Variants in STXBP3 observed in about 807,000 individuals in gnomAD.
STXBP3 encodes syntaxin-binding protein 3.
In STXBP3, 41 loss-of-function variants were observed where a neutral mutation model predicts 85.7. The ratio of observed to expected loss-of-function variants is 0.48; its 90% CI spans 0.37 to 0.62. The LOEUF (loss-of-function observed/expected upper bound fraction) is 0.62, where lower values mean the gene tolerates loss of function less well. STXBP3 is among the 20% of genes least tolerant of loss of function. The pLI, the probability that STXBP3 is intolerant of heterozygous loss-of-function variation, is 0.00. For missense variants in STXBP3, 563 were observed against 703.1 expected (o/e 0.80, Z 2.25); for synonymous variants, 229 against 231.7 (o/e 0.99, Z 0.10).
chr1:108,753,315 C>G (rs146608320), intron 3 of STXBP3, 171 bp downstream of exon 3: 5,218 of 368,028 alleles, frequency 0.014, 48 homozygotes, highest in Non-Finnish European at 0.019. Context: ...GTTTTTTTCC[C>G]TCAGCCGAGA....
chr1:108,790,464 A>G (rs1343666519), intron 11 of STXBP3, among the ~76,000 whole-genome samples: 1 of 152,062 alleles, frequency 6.6e-6, no homozygotes, highest in East Asian at 1.9e-4. Flanking sequence ...GTGTCTTGAT[A>G]TTTAAAATGT....
intron 6 of STXBP3, among the ~76,000 whole-genome samples, chr1:108,768,879 T>G (rs74406644): frequency 0.048 from 7,350 of 152,202 alleles, 221 homozygotes; most frequent in Admixed American, 0.071. Flanking sequence ...AGAAAGATCT[T>G]TCTTTCCCTT....
chr1:108,769,897 G>A (rs1345481538), intron 6 of STXBP3, among the ~76,000 whole-genome samples: 2 of 152,180 alleles, frequency 1.3e-5, no homozygotes, highest in African/African-American at 4.8e-5. Context: ...TACTGAGGCC[G>A]AAGGGCTAGT....
At chr1:108,800,154 C>G in intron 16 of STXBP3, 66 bp from the exon 17 acceptor site, 1 of 1,162,600 alleles carries the variant, frequency 8.6e-7, no homozygotes, top group South Asian at 1.2e-5. Context: ...AAGTTTTGAC[C>G]TTTATGCCAA....
At chr1:108,785,861 G>T (rs1284459269) in intron 11 of STXBP3, among the ~76,000 whole-genome samples, 2 of 152,168 alleles carry the variant, frequency 1.3e-5, no homozygotes, top group East Asian at 3.9e-4. Context: ...TTCCCAAGAA[G>T]TTTATCATCT....
intron 5 of STXBP3, among the ~76,000 whole-genome samples, chr1:108,758,867 G>C (rs1458819467): frequency 6.6e-6 from 1 of 152,216 alleles, no homozygotes; most frequent in Admixed American, 6.5e-5. Flanking sequence ...GGGATGCTGG[G>C]ATGTGAGGGA....
rs1663405731 is a variant in STXBP3 at position 108,809,304 on chromosome 1, AT to A, written c.*429del. The stretch of plus-strand genomic sequence containing the variant: ...ACTGTAAATGTATATGTATGATAGA[AT>A]TGTTTCCTCTAAGTGTAGTTTTTCT... On this transcript the variant is annotated 3_prime_UTR_variant, in exon 19 of 19. Coordinates refer to ENST00000370008, the MANE Select transcript of STXBP3 (RefSeq NM_007269.4). 1 of 153,708 alleles carries A rather than the reference AT, an allele frequency of 6.5e-6. No individual in the cohort carries two copies. The highest frequency in any genetic ancestry group is 1.5e-5 in the Non-Finnish European group (1 of 68,906). The allele number at this position is 153,708 out of a possible 1,614,324, so 9.5% of individuals were successfully genotyped here. A position where few individuals can be genotyped will look rare whatever the true frequency, so the allele number is the denominator to read the frequency against.
At chr1:108,758,294 A>G (rs1662062014) in intron 4 of STXBP3, among the ~76,000 whole-genome samples, 1 of 151,680 alleles carries the variant, frequency 6.6e-6, no homozygotes, top group African/African-American at 2.4e-5. Context: ...CAAAACCAAA[A>G]ATGGTTAATA....
chr1:108,776,386 A>C lies in STXBP3; in HGVS notation c.647A>C (p.Glu216Ala), dbSNP rs750297417. ...GCACAGCTTGTTGAAAAAAAGCTTG[A>C]AGACTACTACAAGATTGATGAAAAG... Reference protein sequence around the residue: ...KLAQLVEKKLEDYYKIDEKSL... With the variant: ...KLAQLVEKKLADYYKIDEKSL... Residue 216 changes from glutamate to alanine, a missense_variant, in exon 8 of 19, where the codon GAA (glutamate) becomes GCA (alanine). Coordinates refer to ENST00000370008, the MANE Select transcript of STXBP3 (RefSeq NM_007269.4). The C allele has an allele frequency of 1.2e-6, 2 of 1,609,440 alleles. No individual in the cohort carries two copies. The highest frequency in any genetic ancestry group is 3.4e-5 in the Admixed American group (2 of 59,696).
intron 17 of STXBP3, among the ~76,000 whole-genome samples, chr1:108,805,097 CAT>C (rs1274717913): frequency 6.6e-6 from 1 of 152,204 alleles, no homozygotes; most frequent in African/African-American, 2.4e-5. Context: ...TCAGTCTTCA[CAT>C]GTGTGTGAAA....
At chr1:108,808,693 T>G (rs1009525180) in intron 18 of STXBP3, 90 bp from the exon 19 acceptor site, 3 of 1,023,368 alleles carry the variant, frequency 2.9e-6, no homozygotes, top group Admixed American at 2.0e-5. Context: ...GCTACTGCAC[T>G]TTACATATTT....
chr1:108,777,606 A>G (rs1662617042), intron 8 of STXBP3, among the ~76,000 whole-genome samples: 1 of 152,180 alleles, frequency 6.6e-6, no homozygotes, highest in African/African-American at 2.4e-5. Flanking sequence ...ATACAATCAA[A>G]TATGCTTTTA....
chr1:108,759,961 T>G (rs1008424341), intron 5 of STXBP3, 24 bp from the exon 6 acceptor site: 11 of 1,381,926 alleles, frequency 8.0e-6, no homozygotes, highest in Non-Finnish European at 1.1e-5. Flanking sequence ...TGTAACTATA[T>G]GCTTTGTTTT....
chr1:108,776,857 A>G (rs978925095), intron 8 of STXBP3, among the ~76,000 whole-genome samples: 14 of 152,210 alleles, frequency 9.2e-5, no homozygotes, highest in South Asian at 2.1e-4. Context: ...AGGAATTCCT[A>G]TTATCACTAG....
At chr1:108,773,277 A>C (rs963811460) in intron 7 of STXBP3, among the ~76,000 whole-genome samples, 1 of 152,144 alleles carries the variant, frequency 6.6e-6, no homozygotes, top group African/African-American at 2.4e-5. Flanking sequence ...ACCTTGACTT[A>C]TATACTTCTT....
intron 7 of STXBP3, among the ~76,000 whole-genome samples, chr1:108,775,075 G>T (rs938412662): frequency 1.3e-5 from 2 of 151,712 alleles, no homozygotes; most frequent in Non-Finnish European, 2.9e-5. Flanking sequence ...TTAATTTATT[G>T]TACAATTAAT....
intron 11 of STXBP3, among the ~76,000 whole-genome samples, chr1:108,788,072 G>T (rs1056461032): frequency 6.6e-6 from 1 of 152,138 alleles, no homozygotes; most frequent in African/African-American, 2.4e-5. Flanking sequence ...GATTACAGGC[G>T]TGAGCCACCA....
At chr1:108,753,810 AT>A (rs1249109993) in intron 3 of STXBP3, among the ~76,000 whole-genome samples, 2 of 152,246 alleles carry the variant, frequency 1.3e-5, no homozygotes, top group South Asian at 2.1e-4. Context: ...ACTTATTAAA[AT>A]TTGATCTTCA....
intron 9 of STXBP3, chr1:108,781,187 T>G (rs1465639232): frequency 1.3e-5 from 2 of 152,360 alleles, no homozygotes; most frequent in Non-Finnish European, 2.9e-5. Flanking sequence ...TGCAGCCTTA[T>G]ATAATTGAGC....
Sources: allele counts gnomAD v4.1 joint callset (sites outside exome capture counted in the v4.1 genomes callset), GRCh38; gene constraint gnomAD v4.1.1; transcripts MANE v1.5; gene names NCBI Gene and HGNC (gene_info 2026-07-23, HGNC 2026-07-21).